The following ADAMTS17 variants were observed in gnomAD, a reference collection of about 807,000 sequenced individuals.
ADAMTS17 encodes the protein ADAM metallopeptidase with thrombospondin type 1 motif 17, also known as A disintegrin and metalloproteinase with thrombospondin motifs 17.
In ADAMTS17, 113 loss-of-function variants were observed where a neutral mutation model predicts 141.5. The observed-to-expected ratio is 0.80, with a 90% CI of 0.69 to 0.93. ADAMTS17 has a LOEUF of 0.93. Among genes scored for constraint, ADAMTS17 ranks in the 40% least tolerant of loss-of-function variants. The probability of loss-of-function intolerance (pLI) is 0.00; values close to 1 mark genes in which losing one functional copy is unlikely to be tolerated. For synonymous variants in ADAMTS17, 768 were observed against 630.6 expected (o/e 1.22, Z -3.27); for missense variants, 1,659 against 1,517.9 (o/e 1.09, Z -1.54).
At chr15:100,197,910 AAACT>A (rs2041181124) in intron 8 of ADAMTS17, among the ~76,000 whole-genome samples, 2 of 152,230 alleles carry the variant, frequency 1.3e-5, no homozygotes, top group Non-Finnish European at 2.9e-5. Context: ...CATCCTCAGC[AAACT>A]AACCCAGGAA....
At chr15:100,133,147 G>A in intron 11 of ADAMTS17, 67 bp downstream of exon 11, 1 of 1,424,100 alleles carries the variant, frequency 7.0e-7, no homozygotes, top group Non-Finnish European at 9.7e-7. Flanking sequence ...TTGTGTGTCA[G>A]AAGAGGTGCC....
At chr15:100,091,437 T>C (rs994816981) in intron 15 of ADAMTS17, among the ~76,000 whole-genome samples, 5 of 152,200 alleles carry the variant, frequency 3.3e-5, no homozygotes, top group African/African-American at 1.2e-4. Flanking sequence ...GAGGAAGCCA[T>C]GGATAAAATC....
chr15:100,240,621 T>C (rs1177107092), intron 7 of ADAMTS17, among the ~76,000 whole-genome samples: 1 of 152,190 alleles, frequency 6.6e-6, no homozygotes, highest in Non-Finnish European at 1.5e-5. Context: ...TAATGAGCCT[T>C]CATCTTCCAG....
intron 15 of ADAMTS17, among the ~76,000 whole-genome samples, chr15:100,081,301 C>T (rs2034718349): frequency 6.6e-6 from 1 of 152,120 alleles, no homozygotes; most frequent in Non-Finnish European, 1.5e-5. Context: ...TTGCGGACAG[C>T]CTATTGTGGG....
At chr15:100,085,649 C>T (rs201957568) in intron 15 of ADAMTS17, among the ~76,000 whole-genome samples, 25 of 152,016 alleles carry the variant, frequency 1.6e-4, no homozygotes, top group East Asian at 5.8e-4. Context: ...GCTGATCTCT[C>T]GGCAGAAACT....
At chr15:100,040,510 A>C (rs539671923) in intron 18 of ADAMTS17, among the ~76,000 whole-genome samples, 2 of 152,314 alleles carry the variant, frequency 1.3e-5, no homozygotes, top group South Asian at 4.1e-4. Context: ...GATGGTTTTC[A>C]TATTTTATTA....
At chr15:100,163,588 T>C (rs775258342) in intron 8 of ADAMTS17, among the ~76,000 whole-genome samples, 16 of 152,190 alleles carry the variant, frequency 1.1e-4, no homozygotes, top group Non-Finnish European at 1.9e-4. Flanking sequence ...TGGCCTCAAG[T>C]GATCCTCCTG....
intron 2 of ADAMTS17, among the ~76,000 whole-genome samples, chr15:100,340,124 C>G (rs1200429527): frequency 6.6e-6 from 1 of 152,264 alleles, no homozygotes; most frequent in Non-Finnish European, 1.5e-5. Context: ...GGGTCCATAC[C>G]AAGCTTCGCT....
intron 3 of ADAMTS17, among the ~76,000 whole-genome samples, chr15:100,303,123 TA>T (rs2045100833): frequency 6.8e-6 from 1 of 146,514 alleles, no homozygotes. Flanking sequence ...ATATATATTA[TA>T]AATATATATT....
chr15:100,074,137 T>C (rs898832993), intron 15 of ADAMTS17: 4 of 153,108 alleles, frequency 2.6e-5, no homozygotes, highest in Non-Finnish European at 5.9e-5. Flanking sequence ...TGACCTTGCT[T>C]AGCTTCTGAG....
chr15:100,063,660 C>G lies in ADAMTS17; in HGVS notation c.2138-9606G>C, dbSNP rs73474444. 7,798 of 1,289,680 alleles carry G rather than the reference C, an allele frequency of 6.0e-3. 411 individuals carry two copies. In the African/African-American group the frequency reaches 0.11, roughly 18 times the overall value. The allele number at this position is 1,289,680 out of a possible 1,614,324, so 79.9% of individuals were successfully genotyped here. ...GATTCTCAACACATAAATGGTGAGT[C>G]AAGTCATTTGTGTTTTACCCAGAAA... On this transcript the variant is annotated intron_variant, in intron 15 of 21. Coordinates refer to ENST00000268070, the MANE Select transcript of ADAMTS17 (RefSeq NM_139057.4).
At chr15:100,259,979 G>A (rs945474980) in intron 6 of ADAMTS17, among the ~76,000 whole-genome samples, 5 of 152,114 alleles carry the variant, frequency 3.3e-5, no homozygotes, top group African/African-American at 1.2e-4. Context: ...CAAGTAGCTG[G>A]GATTACAAGT....
intron 10 of ADAMTS17, among the ~76,000 whole-genome samples, chr15:100,137,789 T>C (rs970936982): frequency 5.3e-5 from 8 of 152,148 alleles, no homozygotes; most frequent in African/African-American, 1.9e-4. Flanking sequence ...CAGGCGTTGG[T>C]TGCCAACACC....
intron 2 of ADAMTS17, among the ~76,000 whole-genome samples, chr15:100,336,391 T>C (rs2046208909): frequency 6.6e-6 from 1 of 152,250 alleles, no homozygotes; most frequent in Non-Finnish European, 1.5e-5. Context: ...TAGAACTTTC[T>C]GAGTTCTTCC....
intron 3 of ADAMTS17, among the ~76,000 whole-genome samples, chr15:100,314,876 A>C (rs2045512699): frequency 6.6e-6 from 1 of 152,190 alleles, no homozygotes. Context: ...CAGTGAGAAA[A>C]AGAGCAGCAG....
At chr15:100,123,271 G>A (rs375979918) in intron 12 of ADAMTS17, among the ~76,000 whole-genome samples, 14 of 152,338 alleles carry the variant, frequency 9.2e-5, no homozygotes, top group African/African-American at 3.4e-4. Flanking sequence ...GTTGCTCTGA[G>A]CTACGCAGTA....
At chr15:100,082,403 C>T (rs1023343529) in intron 15 of ADAMTS17, among the ~76,000 whole-genome samples, 8 of 148,242 alleles carry the variant, frequency 5.4e-5, no homozygotes, top group Non-Finnish European at 1.0e-4. Flanking sequence ...TTTTTTGAGA[C>T]AGGGTCTCAG....
intron 2 of ADAMTS17, among the ~76,000 whole-genome samples, chr15:100,339,381 CA>C (rs2046297594): frequency 1.3e-5 from 2 of 152,194 alleles, no homozygotes; most frequent in Non-Finnish European, 2.9e-5. Flanking sequence ...TAAACCGCAG[CA>C]AATGGGATTC....
chr15:100,266,868 G>A (rs1302959888), intron 4 of ADAMTS17, among the ~76,000 whole-genome samples: 3 of 152,204 alleles, frequency 2.0e-5, no homozygotes, highest in Admixed American at 2.0e-4. Flanking sequence ...TACTGCATGA[G>A]CTCCGGAGGA....
Sources: gnomAD v4.1 joint callset for allele counts (sites outside exome capture counted in the v4.1 genomes callset) on GRCh38, gnomAD v4.1.1 for gene constraint, MANE v1.5 for transcripts, NCBI Gene and HGNC (gene_info 2026-07-23, HGNC 2026-07-21) for gene names.